DPYD: variants seen among roughly 807,000 people sequenced by gnomAD.
The protein encoded by DPYD is dihydropyrimidine dehydrogenase.
Under a neutral mutation model 116.2 loss-of-function variants are expected in DPYD, and 109 were observed. That is an observed-to-expected ratio of 0.94 (90% CI 0.80 to 1.10). The LOEUF (loss-of-function observed/expected upper bound fraction) is 1.10, where lower values mean the gene tolerates loss of function less well. DPYD is among the 50% of genes least tolerant of loss of function. The probability of loss-of-function intolerance (pLI) is 0.00; values close to 1 mark genes in which losing one functional copy is unlikely to be tolerated. For missense variants in DPYD, 1,302 were observed against 1,254.5 expected (o/e 1.04, Z -0.57); for synonymous variants, 440 against 432.0 (o/e 1.02, Z -0.23).
chr1:97,568,719 C>T (rs898418533), intron 11 of DPYD, among the ~76,000 whole-genome samples: 12 of 151,902 alleles, frequency 7.9e-5, no homozygotes, highest in African/African-American at 1.9e-4. Flanking sequence ...AAAAATAAAC[C>T]AAGCAGATCC....
intron 12 of DPYD, chr1:97,546,068 A>C (rs1007258464): frequency 1.4e-6 from 2 of 1,404,966 alleles, no homozygotes; most frequent in African/African-American, 2.8e-5. Flanking sequence ...ACAACATCAC[A>C]GTAGGATCCT....
intron 20 of DPYD, among the ~76,000 whole-genome samples, chr1:97,183,111 A>G (rs1657759716): frequency 1.7e-5 from 2 of 116,780 alleles, no homozygotes; most frequent in African/African-American, 2.7e-5. Context: ...TCCTTTCCCC[A>G]AGGTTATAAA....
chr1:97,099,088 G>A (rs1451679779), intron 20 of DPYD, among the ~76,000 whole-genome samples: 1 of 151,918 alleles, frequency 6.6e-6, no homozygotes. Context: ...AATAGCAAAG[G>A]TACTTCGCCA....
At chr1:97,914,810 T>C (rs1293179498) in intron 1 of DPYD, among the ~76,000 whole-genome samples, 1 of 152,118 alleles carries the variant, frequency 6.6e-6, no homozygotes, top group Non-Finnish European at 1.5e-5. Flanking sequence ...CCTCATAATA[T>C]TGACAAATGT....
chr1:97,470,985 C>T (rs1013339998), intron 13 of DPYD, among the ~76,000 whole-genome samples: 2 of 150,698 alleles, frequency 1.3e-5, no homozygotes, highest in Non-Finnish European at 3.0e-5. Flanking sequence ...AGCAAGACTT[C>T]ATCTCAAAAA....
At position 97,593,295 on chromosome 1, in the gene DPYD, C is replaced by G. The variant is rs1461339539; in HGVS notation, c.1051G>C (p.Ala351Pro). Reference protein sequence around the residue: ...GDTAFDCATSALRCGARRVFI... With the variant: ...GDTAFDCATSPLRCGARRVFI... Reference sequence around the variant, plus strand: ...ACACGGCGAGCTCCACAACGTAGAGCAGATGTTGCACAGTCAAAGGCAGTG... The same window carrying G: ...ACACGGCGAGCTCCACAACGTAGAGGAGATGTTGCACAGTCAAAGGCAGTG... Residue 351 changes from alanine to proline, a missense_variant, in exon 10 of 23, where the codon GCT becomes CCT. Physicochemically the swap from Ala to Pro is conservative, Grantham distance 27 (BLOSUM62 -1). Coordinates refer to ENST00000370192, the MANE Select transcript of DPYD (RefSeq NM_000110.4). 1.9e-6 allele frequency: 3 copies of G among 1,614,018 alleles called. No homozygotes were observed. Among genetic ancestry groups the G allele is most frequent in the East Asian group, 2.2e-5 (1 of 44,872 alleles).
chr1:97,454,191 CA>C (rs1268455525), intron 13 of DPYD, among the ~76,000 whole-genome samples: 4 of 151,664 alleles, frequency 2.6e-5, no homozygotes, highest in African/African-American at 9.7e-5. Context: ...ATTGTTTTGC[CA>C]AAAACATTCT....
chr1:97,867,291 G>A (rs1054785319), intron 2 of DPYD, among the ~76,000 whole-genome samples: 97 of 151,730 alleles, frequency 6.4e-4, no homozygotes, highest in African/African-American at 2.1e-3. Flanking sequence ...ATAACCAACC[G>A]TTCAGTCTGC....
intron 3 of DPYD, among the ~76,000 whole-genome samples, chr1:97,807,315 T>C (rs956341488): frequency 6.6e-6 from 1 of 152,094 alleles, no homozygotes; most frequent in African/African-American, 2.4e-5. Flanking sequence ...CACATTCTCA[T>C]CAACATTTGG....
chr1:97,730,811 G>T (rs145526084), intron 4 of DPYD, among the ~76,000 whole-genome samples: 3 of 151,478 alleles, frequency 2.0e-5, no homozygotes, highest in Non-Finnish European at 2.9e-5. Context: ...CTTCAAAGAG[G>T]ATACTTTTCT....
chr1:97,593,976 T>C (rs1194471999), intron 9 of DPYD, among the ~76,000 whole-genome samples: 1 of 152,180 alleles, frequency 6.6e-6, no homozygotes, highest in African/African-American at 2.4e-5. Flanking sequence ...CTGGTTTTGT[T>C]TGTGAAACTG....
rs1437644430 is a variant in DPYD at position 97,539,718 on chromosome 1, T to G, written c.1524+9842A>C. Among the ~76,000 whole-genome samples the G allele has an allele frequency of 2.6e-5, 4 of 152,202 alleles. No homozygotes were observed. In the East Asian group the frequency reaches 7.7e-4, roughly 29 times the overall value. On this transcript the variant is annotated intron_variant, in intron 12 of 22. Transcript: ENST00000370192. ...TAATTTCTATAAAGATCAACATTAT[T>G]TGACAAAATGTTCCATGTTTATAAG... is the stretch of plus-strand genomic sequence containing the variant.
At chr1:97,484,352 A>G (rs1678497443) in intron 13 of DPYD, among the ~76,000 whole-genome samples, 1 of 152,130 alleles carries the variant, frequency 6.6e-6, no homozygotes, top group African/African-American at 2.4e-5. Flanking sequence ...AGGTTTTCAG[A>G]AGTATTGTGT....
intron 2 of DPYD, 39 bp from the exon 3 acceptor site, chr1:97,828,235 C>T (rs1168691890): frequency 1.7e-5 from 27 of 1,591,190 alleles, no homozygotes; most frequent in Non-Finnish European, 2.2e-5. Flanking sequence ...TCTCTAAGAT[C>T]CTGAGAAAAA....
At chr1:97,384,766 A>T (rs1672219835) in intron 14 of DPYD, among the ~76,000 whole-genome samples, 1 of 152,156 alleles carries the variant, frequency 6.6e-6, no homozygotes, top group African/African-American at 2.4e-5. Context: ...TGAGACTCTG[A>T]ATCAAAGCCA....
chr1:97,767,332 C>T (rs1665917251), intron 3 of DPYD, among the ~76,000 whole-genome samples: 1 of 152,128 alleles, frequency 6.6e-6, no homozygotes, highest in Admixed American at 6.6e-5. Context: ...TCCCTGTATT[C>T]ATAACCTTTG....
intron 20 of DPYD, among the ~76,000 whole-genome samples, chr1:97,173,433 C>T (rs1004235106): frequency 2.0e-5 from 3 of 146,504 alleles, no homozygotes; most frequent in African/African-American, 5.1e-5. Flanking sequence ...TGTGTATATA[C>T]GTACATATAT....
At chr1:97,889,441 TAGC>T (rs1414763054) in intron 1 of DPYD, among the ~76,000 whole-genome samples, 1 of 151,926 alleles carries the variant, frequency 6.6e-6, no homozygotes, top group Non-Finnish European at 1.5e-5. Flanking sequence ...ATCATGCAAA[TAGC>T]AGCAGCATGA....
chr1:97,869,127 C>A (rs1324104733), intron 2 of DPYD, among the ~76,000 whole-genome samples: 1 of 151,686 alleles, frequency 6.6e-6, no homozygotes, highest in East Asian at 1.9e-4. Flanking sequence ...CTCAAACAGC[C>A]CAGAATGAAA....
Sources: gnomAD v4.1 joint callset for allele counts (sites outside exome capture counted in the v4.1 genomes callset) on GRCh38, gnomAD v4.1.1 for gene constraint, MANE v1.5 for transcripts, NCBI Gene and HGNC (gene_info 2026-07-23, HGNC 2026-07-21) for gene names.